Variants in LRP8 observed in about 807,000 individuals in gnomAD.
The protein encoded by LRP8 is LDL receptor related protein 8.
LRP8 carries 46 observed loss-of-function variants against 111.6 expected under a neutral mutation model. The observed-to-expected ratio is 0.41, with a 90% CI of 0.33 to 0.53. The LOEUF is 0.53. Ranked by LOEUF, LRP8 falls within the 20% of genes least tolerant of loss-of-function variation. The pLI is 0.20. For missense variants in LRP8, 959 were observed against 1,297.4 expected (o/e 0.74, Z 4.01); for synonymous variants, 464 against 511.2 (o/e 0.91, Z 1.24).
At chr1:53,261,166 A>G (rs1336455889) in intron 12 of LRP8, among the ~76,000 whole-genome samples, 1 of 152,266 alleles carries the variant, frequency 6.6e-6, no homozygotes, top group Non-Finnish European at 1.5e-5. Flanking sequence ...TATGCAGTCT[A>G]TATACATCTT....
intron 15 of LRP8, among the ~76,000 whole-genome samples, chr1:53,256,187 G>T (rs1572436116): frequency 1.3e-5 from 2 of 152,358 alleles, no homozygotes; most frequent in East Asian, 3.9e-4. Context: ...TGCTGCAGGT[G>T]AGATGACTGT....
chr1:53,248,715 C>T (rs1645802225), intron 18 of LRP8, among the ~76,000 whole-genome samples: 1 of 152,210 alleles, frequency 6.6e-6, no homozygotes, highest in Non-Finnish European at 1.5e-5. Context: ...TGTTGATTTC[C>T]TTATTTCTCT....
At chr1:53,327,610 GGCCC>G (rs1655328167) in intron 1 of LRP8, among the ~76,000 whole-genome samples, 175 bp downstream of exon 1, 1 of 151,696 alleles carries the variant, frequency 6.6e-6, no homozygotes, top group Non-Finnish European at 1.5e-5. Flanking sequence ...TCAACACCGA[GGCCC>G]GCGGGGGCGG....
rs1472893439 is a variant in LRP8, at chr1:53,262,600, G to A, written c.1656-36C>T. On this transcript the variant is annotated intron_variant, in intron 10 of 18. Transcript: ENST00000306052. The surrounding 1 kb of genome is among the most constrained non-coding windows in gnomAD (Gnocchi z 4.8). Reference sequence around the variant, plus strand: ...AAATAACCCAATTTGCCTTCTTGCTGGGGACATGACCGGGGTGGTCTGAGT... The same window carrying A: ...AAATAACCCAATTTGCCTTCTTGCTAGGGACATGACCGGGGTGGTCTGAGT... 2.6e-6 allele frequency: 4 copies of A among 1,555,770 alleles called. No individual in the cohort carries two copies. The African/African-American group carries it at 4.1e-5, about 16-fold the overall frequency.
intron 2 of LRP8, among the ~76,000 whole-genome samples, chr1:53,323,427 C>G (rs573641385): frequency 7.7e-4 from 118 of 152,334 alleles, no homozygotes; most frequent in Non-Finnish European, 1.3e-3. Context: ...GGAGTAAAGG[C>G]CAGGCCAGAG....
chr1:53,252,638 C>T (rs1324410064), intron 16 of LRP8, among the ~76,000 whole-genome samples: 1 of 152,080 alleles, frequency 6.6e-6, no homozygotes, highest in South Asian at 2.1e-4. Flanking sequence ...AGAAGAAATA[C>T]GCAAGTCCTG....
At chr1:53,259,798 G>A (rs1000953380) in intron 13 of LRP8, among the ~76,000 whole-genome samples, 2 of 152,056 alleles carry the variant, frequency 1.3e-5, no homozygotes, top group East Asian at 3.9e-4. Context: ...ATAAGCCCGC[G>A]GTTTTTATTT....
intron 2 of LRP8, among the ~76,000 whole-genome samples, chr1:53,298,263 G>A (rs556800981): frequency 3.3e-4 from 50 of 152,322 alleles, no homozygotes; most frequent in African/African-American, 1.1e-3. Flanking sequence ...GAAGAAGAGC[G>A]TCTCCGAGGG....
intron 4 of LRP8, among the ~76,000 whole-genome samples, chr1:53,278,327 C>G (rs892585527): frequency 5.3e-5 from 8 of 152,192 alleles, no homozygotes; most frequent in African/African-American, 1.9e-4. Flanking sequence ...GACCTGGCCC[C>G]GGGATGGGGG....
chr1:53,249,092 C>G lies in LRP8; in HGVS notation c.2853+288G>C, dbSNP rs550360568. Among the ~76,000 whole-genome samples, 1 of 152,194 alleles carries G rather than the reference C, an allele frequency of 6.6e-6. No individual in the cohort carries two copies. Among genetic ancestry groups the G allele is most frequent in the African/African-American group, 2.4e-5 (1 of 41,446 alleles). ...TGGACTGGCCGAGGTTAAGGATCCT[C>G]AAGGCCATCTGCTAACCCTCCTCAT... On this transcript the variant is annotated intron_variant, in intron 18 of 18. Coordinates refer to ENST00000306052, the MANE Select transcript of LRP8 (RefSeq NM_004631.5). The surrounding 1 kb of genome is among the most constrained non-coding windows in gnomAD (Gnocchi z 4.1).
chr1:53,295,006 A>G (rs1292481999), intron 2 of LRP8, among the ~76,000 whole-genome samples: 7 of 152,150 alleles, frequency 4.6e-5, no homozygotes, highest in Admixed American at 6.5e-5. Flanking sequence ...GAGGCCCCCT[A>G]CGTGGGTCTC....
chr1:53,323,029 G>A (rs993819978), intron 2 of LRP8, among the ~76,000 whole-genome samples: 3 of 152,146 alleles, frequency 2.0e-5, no homozygotes. Context: ...CACAAAACTG[G>A]TCCACCTGTC....
At chr1:53,269,035 C>T (rs1439279749) in intron 8 of LRP8, among the ~76,000 whole-genome samples, 1 of 152,202 alleles carries the variant, frequency 6.6e-6, no homozygotes, top group African/African-American at 2.4e-5. Context: ...TACTCAGAGC[C>T]CTCAATGGTT....
chr1:53,307,723 A>G (rs1266396318), intron 2 of LRP8, among the ~76,000 whole-genome samples: 1 of 152,232 alleles, frequency 6.6e-6, no homozygotes, highest in Non-Finnish European at 1.5e-5. Flanking sequence ...CTCTCCCATG[A>G]CAGCCAGATG....
Position 53,262,534 on chromosome 1 carries a change from C to T in LRP8, c.1686G>A (p.Gln562=), listed in dbSNP as rs1405595445. The T allele has an allele frequency of 2.5e-6, 4 of 1,614,232 alleles. No individual in the cohort carries two copies. The highest frequency in any genetic ancestry group is 1.3e-5 in the African/African-American group (1 of 75,054). ...GFMYWSDWGD[Q]AKIEKSGLNG... ...TGAGCCCAGATTTCTCAATCTTGGC[C>T]TGGTCCCCCCAGTCAGACCAATACA... Residue 562 remains glutamine, a synonymous_variant, in exon 11 of 19, where the codon CAG becomes CAA. Coordinates refer to ENST00000306052, the MANE Select transcript of LRP8 (RefSeq NM_004631.5). This position sits in a 1 kb window ranked among gnomAD's most constrained non-coding sequence, Gnocchi z 4.8.
At chr1:53,265,275 C>T (rs979820481) in intron 9 of LRP8, among the ~76,000 whole-genome samples, 2 of 152,206 alleles carry the variant, frequency 1.3e-5, no homozygotes, top group African/African-American at 4.8e-5. Context: ...CCATCAATAA[C>T]TAAGTCTCCA....
intron 15 of LRP8, 50 bp downstream of exon 15, chr1:53,257,190 C>T: frequency 6.3e-7 from 1 of 1,577,974 alleles, no homozygotes; most frequent in African/African-American, 1.3e-5. Flanking sequence ...TTCCTGGCTT[C>T]CCTAGGAGCC....
rs955534071 is a variant in LRP8, at chr1:53,262,411, G to A, written c.1774+35C>T. 3.1e-6 allele frequency: 5 copies of A among 1,597,618 alleles called. No homozygotes were observed. Among genetic ancestry groups the A allele is most frequent in the Non-Finnish European group, 4.3e-6 (5 of 1,166,080 alleles). On this transcript the variant is annotated intron_variant, in intron 11 of 18. Transcript: ENST00000306052. This position sits in a 1 kb window ranked among gnomAD's most constrained non-coding sequence, Gnocchi z 4.8. ...AGACAGTGATCAGGACAAGGCACTAGAATAGGCCCCCAACCCAGGAAAGGC... is the reference window on the plus strand; with the variant it reads ...AGACAGTGATCAGGACAAGGCACTAAAATAGGCCCCCAACCCAGGAAAGGC...
chr1:53,312,695 C>T (rs997640518), intron 2 of LRP8, among the ~76,000 whole-genome samples: 4 of 152,050 alleles, frequency 2.6e-5, no homozygotes, highest in Non-Finnish European at 5.9e-5. Context: ...CCGTGCCCAG[C>T]TAGCAGATTC....
Sources: allele counts gnomAD v4.1 joint callset (sites outside exome capture counted in the v4.1 genomes callset), GRCh38; gene constraint gnomAD v4.1.1; non-coding constraint Gnocchi (gnomAD v3.1); transcripts MANE v1.5; gene names NCBI Gene and HGNC (gene_info 2026-07-23, HGNC 2026-07-21).